Variants in ZNF618 observed in about 807,000 individuals in gnomAD.
ZNF618 encodes the protein zinc finger protein 618.
In ZNF618, 34 loss-of-function variants were observed where a neutral mutation model predicts 103.0. The ratio of observed to expected loss-of-function variants is 0.33; its 90% confidence interval spans 0.25 to 0.44. The LOEUF is 0.44. Ranked by LOEUF, ZNF618 falls within the 20% of genes least tolerant of loss-of-function variation. ZNF618 has a pLI of 1.00. For missense variants in ZNF618, 1,059 were observed against 1,295.4 expected (o/e 0.82, Z 2.80); for synonymous variants, 551 against 542.2 (o/e 1.02, Z -0.23).
In ZNF618 at chr9:114,036,284, G is replaced by T. The variant is rs1306847470; in HGVS notation, c.1169-16G>T. ...CGGTTCCACCCCTCACGTGGCTGCC[G>T]CATTTCTCCCTCCAGAACCCTACAC... On this transcript the variant is annotated splice_polypyrimidine_tract_variant and intron_variant, in intron 12 of 14. Coordinates refer to ENST00000374126, the MANE Select transcript of ZNF618 (RefSeq NM_001318042.2). 1 of 1,560,852 alleles carries T rather than the reference G, an allele frequency of 6.4e-7. No homozygotes were observed. The highest frequency in any genetic ancestry group is 8.7e-7 in the Non-Finnish European group (1 of 1,151,948).
intron 1 of ZNF618, among the ~76,000 whole-genome samples, chr9:113,951,538 C>CACATGTACACATATCTGTAT (rs1564207925): frequency 3.7e-5 from 2 of 54,324 alleles, no homozygotes; most frequent in Non-Finnish European, 7.3e-5. Flanking sequence ...TATGTGTGTA[C>CACATGTACACATATCTGTAT]ATATGTACAC....
intron 1 of ZNF618, among the ~76,000 whole-genome samples, chr9:113,955,523 A>C (rs1836197962): frequency 6.6e-6 from 1 of 151,936 alleles, no homozygotes; most frequent in Non-Finnish European, 1.5e-5. Context: ...AAATTCATGC[A>C]GTTGTTCTCC....
chr9:113,897,139 C>A (rs924238749), intron 1 of ZNF618, among the ~76,000 whole-genome samples: 3 of 152,074 alleles, frequency 2.0e-5, no homozygotes, highest in South Asian at 2.1e-4. Context: ...ATGGAACTTA[C>A]CCCCGTTTAT....
chr9:113,951,633 C>T (rs1258439956), intron 1 of ZNF618, among the ~76,000 whole-genome samples: 3 of 148,890 alleles, frequency 2.0e-5, no homozygotes, highest in African/African-American at 5.0e-5. Context: ...ATATATACTC[C>T]TCTCCCATTA....
In ZNF618 at chr9:114,051,624, T is replaced by C. The variant is rs1846140226; in HGVS notation, c.*1457T>C. The C allele has an allele frequency of 6.6e-6, 1 of 152,080 alleles. No homozygotes were observed. Among genetic ancestry groups the C allele is most frequent in the African/African-American group, 2.4e-5 (1 of 41,268 alleles). 9.4% of individuals were successfully genotyped at this position (152,080 alleles called of 1,614,324 possible). Reference sequence around the variant, plus strand: ...GCTCTGCTGCCCACAGCCCTCGGGGTCCTCACTCACACCTCCGACTTCCAG... The same window carrying C: ...GCTCTGCTGCCCACAGCCCTCGGGGCCCTCACTCACACCTCCGACTTCCAG... On this transcript the variant is annotated 3_prime_UTR_variant, in exon 15 of 15. Coordinates refer to ENST00000374126, the MANE Select transcript of ZNF618 (RefSeq NM_001318042.2).
At chr9:113,939,941 G>A (rs1410675116) in intron 1 of ZNF618, among the ~76,000 whole-genome samples, 3 of 151,662 alleles carry the variant, frequency 2.0e-5, no homozygotes, top group Admixed American at 6.6e-5. Flanking sequence ...CAAGTGTTTC[G>A]TTTTCTATTT....
chr9:113,953,455 T>C (rs539126635), intron 1 of ZNF618, among the ~76,000 whole-genome samples: 19 of 152,350 alleles, frequency 1.2e-4, no homozygotes, highest in African/African-American at 4.3e-4. Flanking sequence ...TATCATTCAA[T>C]TTTGAGCCAT....
intron 6 of ZNF618, among the ~76,000 whole-genome samples, chr9:114,005,994 C>G (rs1271742260): frequency 6.6e-6 from 1 of 152,224 alleles, no homozygotes. Flanking sequence ...ACCTGTGGCT[C>G]CTTGCTCAGG....
chr9:113,951,482 C>T (rs1197467403), intron 1 of ZNF618, among the ~76,000 whole-genome samples: 3 of 30,706 alleles, frequency 9.8e-5, no homozygotes, highest in African/African-American at 2.6e-4. Context: ...TATGTGTACA[C>T]ATATATGTGT....
At chr9:113,898,846 G>A (rs1292363191) in intron 1 of ZNF618, among the ~76,000 whole-genome samples, 1 of 152,200 alleles carries the variant, frequency 6.6e-6, no homozygotes, top group Non-Finnish European at 1.5e-5. Flanking sequence ...GTGAAGCTGC[G>A]CTGGGAAGTG....
Position 113,897,693 on chromosome 9 carries a change from A to G in ZNF618, c.33+21280A>G, listed in dbSNP as rs537906037. On this transcript the variant is annotated intron_variant, in intron 1 of 14. Transcript: ENST00000374126. The stretch of plus-strand genomic sequence containing the variant: ...CTCTTTAAATTTTTTTTAGTTTTAT[A>G]TGTGTTTCCCCAGCTTTTCCTTTGC... Among the ~76,000 whole-genome samples, 46 of 152,082 alleles carry G rather than the reference A, an allele frequency of 3.0e-4. No individual in the cohort carries two copies. The East Asian group carries it at 4.6e-3, about 15-fold the overall frequency.
chr9:113,950,103 CA>C (rs948536135), intron 1 of ZNF618, among the ~76,000 whole-genome samples: 2 of 152,178 alleles, frequency 1.3e-5, no homozygotes, highest in African/African-American at 4.8e-5. Flanking sequence ...AGAGGAAAAA[CA>C]AAGAGAAAGA....
intron 2 of ZNF618, among the ~76,000 whole-genome samples, chr9:113,983,430 C>T (rs967793809): frequency 1.4e-4 from 22 of 152,116 alleles, no homozygotes; most frequent in Non-Finnish European, 2.8e-4. Flanking sequence ...ATGCCTTTGT[C>T]GCGGCAAGGA....
intron 3 of ZNF618, among the ~76,000 whole-genome samples, chr9:113,994,521 A>G (rs537622356): frequency 2.1e-4 from 32 of 152,356 alleles, no homozygotes; most frequent in African/African-American, 7.7e-4. Context: ...CTGTAAGTCA[A>G]GAGCCCAGGG....
chr9:114,028,361 C>T (rs1843701596), intron 10 of ZNF618: 1 of 221,048 alleles, frequency 4.5e-6, no homozygotes, highest in Admixed American at 5.1e-5. Flanking sequence ...TTGTAACTTC[C>T]AAGCCAGCCT....
chr9:113,945,377 C>A (rs1045200251), intron 1 of ZNF618, among the ~76,000 whole-genome samples: 6 of 152,170 alleles, frequency 3.9e-5, no homozygotes, highest in African/African-American at 1.4e-4. Flanking sequence ...GTTCCTTCTC[C>A]GCATGTACAC....
At position 114,016,925 on chromosome 9, in the gene ZNF618, G is replaced by A. The variant is rs1026964924; in HGVS notation, c.844+141G>A. On this transcript the variant is annotated intron_variant, in intron 10 of 14. Coordinates refer to ENST00000374126, the MANE Select transcript of ZNF618 (RefSeq NM_001318042.2). ...TTCTGGGTCAGTCTTTAGGTATTAT[G>A]TCTGACCCAGGGCCACCTGTCTACA... 1.1e-5 allele frequency: 7 copies of A among 647,778 alleles called. No homozygotes were observed. In the African/African-American group the frequency reaches 1.1e-4, roughly 10 times the overall value. The allele number at this position is 647,778 out of a possible 1,614,324, so 40.1% of individuals were successfully genotyped here.
At chr9:113,912,526 C>T (rs575039871) in intron 1 of ZNF618, among the ~76,000 whole-genome samples, 1 of 152,252 alleles carries the variant, frequency 6.6e-6, no homozygotes, top group African/African-American at 2.4e-5. Flanking sequence ...GGCACAGCCT[C>T]CCCGGAGCCA....
intron 1 of ZNF618, among the ~76,000 whole-genome samples, chr9:113,929,268 C>T (rs1330169): frequency 0.5 from 75,522 of 151,964 alleles, 19,131 homozygotes; most frequent in Non-Finnish European, 0.55. Flanking sequence ...ACTGTTTAAA[C>T]GTTCCTACCA....
Sources: allele counts gnomAD v4.1 joint callset (sites outside exome capture counted in the v4.1 genomes callset), GRCh38; gene constraint gnomAD v4.1.1; transcripts MANE v1.5; gene names NCBI Gene and HGNC (gene_info 2026-07-23, HGNC 2026-07-21).